The following CLEC12A variants were observed in gnomAD, a reference collection of about 807,000 sequenced individuals.
CLEC12A encodes C-type lectin protein CLL-1.
A neutral mutation model predicts 26.5 loss-of-function variants in CLEC12A; 22 were observed. The observed-to-expected ratio is 0.83, with a 90% CI of 0.59 to 1.19. The LOEUF (loss-of-function observed/expected upper bound fraction) is 1.19. Ranked by LOEUF, CLEC12A falls within the 50% of genes most tolerant of loss-of-function variation. The pLI is 0.00. For synonymous variants in CLEC12A, 119 were observed against 101.9 expected, an observed-to-expected ratio of 1.17 and a Z score of -1.01; for missense variants, 353 against 315.6, an observed-to-expected ratio of 1.12 and a Z score of -0.90.
In CLEC12A at chr12:9,982,199, A is replaced by G. The variant is rs534681928; in HGVS notation, c.641+70A>G. On this transcript the variant is annotated intron_variant, in intron 5 of 5. Coordinates refer to ENST00000304361, the MANE Select transcript of CLEC12A (RefSeq NM_138337.6). ...GAGGTATTTTCCTTAGGAGCACTGT[A>G]GATTCAAATTAAAACCAGCTTCAAT... is the stretch of plus-strand genomic sequence containing the variant. 13 of 769,748 alleles carry G rather than the reference A, an allele frequency of 1.7e-5. No individual in the cohort carries two copies. The South Asian group carries it at 1.8e-4, about 11-fold the overall frequency. The allele number at this position is 769,748 out of a possible 1,614,324, so 47.7% of individuals were successfully genotyped here. A position where few individuals can be genotyped will look rare whatever the true frequency, so the allele number is the denominator to read the frequency against.
chr12:9,952,157 C>T (rs1863624619), intron 1 of CLEC12A: 1 of 115,758 alleles, frequency 8.6e-6, no homozygotes, highest in African/African-American at 3.1e-5. Flanking sequence ...GTCTCCCTCT[C>T]CCTCTCCCTC....
At chr12:9,959,873 C>G (rs574105878) in intron 1 of CLEC12A, among the ~76,000 whole-genome samples, 1 of 152,178 alleles carries the variant, frequency 6.6e-6, no homozygotes, top group South Asian at 2.1e-4. Context: ...TTCCTGGACT[C>G]TCTGATGCTT....
rs1304168107 is a variant in CLEC12A at position 9,979,068 on chromosome 12, T to C, written c.190+4T>C. 5 of 1,606,480 alleles carry C rather than the reference T, an allele frequency of 3.1e-6. No homozygotes were observed. Among genetic ancestry groups the C allele is most frequent in the Non-Finnish European group, 4.3e-6 (5 of 1,173,214 alleles). ...TTGGGAGTCTTGGCAAGCATGTGTA[T>C]GTACTGCCCCTGTTTTTGTCAAGAG... On this transcript the variant is annotated splice_donor_region_variant and intron_variant, in intron 2 of 5. Transcript: ENST00000304361.
At chr12:9,962,715 G>GCAGGAACAGAC (rs201192973) in intron 1 of CLEC12A, among the ~76,000 whole-genome samples, 1,610 of 152,228 alleles carry the variant, frequency 0.011, 21 homozygotes, top group South Asian at 0.028. Context: ...ATCAGTTAAG[G>GCAGGAACAGAC]CAGGAACAGA....
At chr12:9,980,789 G>T in intron 4 of CLEC12A, 56 bp downstream of exon 4, 1 of 1,569,358 alleles carries the variant, frequency 6.4e-7, no homozygotes, top group Non-Finnish European at 8.7e-7. Context: ...GCATGTTGGA[G>T]AAGACTTCAA....
chr12:9,967,845 G>A (rs1289726968), upstream of CLEC12A, among the ~76,000 whole-genome samples: 2 of 152,210 alleles, frequency 1.3e-5, no homozygotes, highest in East Asian at 3.9e-4. Context: ...GAAGGACCAA[G>A]GCAGGTGTCC....
intron 4 of CLEC12A, among the ~76,000 whole-genome samples, chr12:9,981,713 C>A (rs1232902924): frequency 6.6e-6 from 1 of 152,092 alleles, no homozygotes; most frequent in Non-Finnish European, 1.5e-5. Context: ...GCCCTGGACA[C>A]AATATTTACT....
chr12:9,974,108 CTGA>C (rs1379962396), intron 1 of CLEC12A, among the ~76,000 whole-genome samples: 1 of 152,176 alleles, frequency 6.6e-6, no homozygotes, highest in African/African-American at 2.4e-5. Flanking sequence ...CTTTAGGTCA[CTGA>C]TGTCCTGCCT....
chr12:9,975,489 C>T (rs997461617), intron 1 of CLEC12A, among the ~76,000 whole-genome samples: 1 of 152,050 alleles, frequency 6.6e-6, no homozygotes, highest in African/African-American at 2.4e-5. Flanking sequence ...GAACATTGAA[C>T]TTGAGAGGGA....
At chr12:9,986,537 A>G (rs1034221705), downstream of CLEC12A, among the ~76,000 whole-genome samples, 29 of 151,606 alleles carry the variant, frequency 1.9e-4, no homozygotes, top group Non-Finnish European at 1.5e-5. Context: ...AGGGTTGGGT[A>G]TGGTGGCTTA....
At chr12:9,951,541 C>A in intron 1 of CLEC12A, 1 of 594,536 alleles carries the variant, frequency 1.7e-6, no homozygotes, top group Non-Finnish European at 3.0e-6. Context: ...AAGTGAGTGT[C>A]ATTTGTGGGT....
downstream of CLEC12A, among the ~76,000 whole-genome samples, chr12:9,999,905 G>T (rs1406774316): frequency 6.6e-6 from 1 of 152,084 alleles, no homozygotes; most frequent in African/African-American, 2.4e-5. Context: ...AGACTGAATG[G>T]TTCCTAGCAC....
chr12:10,004,366 G>GT, the CLEC12A span, among the ~76,000 whole-genome samples: 9 of 152,182 alleles, frequency 5.9e-5, no homozygotes, highest in Admixed American at 5.9e-4. Flanking sequence ...GAATGTGGGG[G>GT]TTTTACTGAG....
At chr12:9,990,260 T>TTA (rs538651877), downstream of CLEC12A, among the ~76,000 whole-genome samples, 20 of 152,316 alleles carry the variant, frequency 1.3e-4, no homozygotes, top group African/African-American at 4.6e-4. Context: ...CTGATTCTTC[T>TTA]TATATATCAG....
At chr12:9,986,513 C>A (rs1013054680), downstream of CLEC12A, among the ~76,000 whole-genome samples, 1 of 146,556 alleles carries the variant, frequency 6.8e-6, no homozygotes, top group African/African-American at 2.5e-5. Context: ...GGTAATTTTG[C>A]ATAAAAGGCA....
chr12:9,953,632 A>G (rs1447382502), intron 1 of CLEC12A, among the ~76,000 whole-genome samples: 1 of 147,306 alleles, frequency 6.8e-6, no homozygotes, highest in Non-Finnish European at 1.5e-5. Context: ...CCGGGAGGTG[A>G]GGGGCGCCTC....
At chr12:9,977,085 TAACC>T (rs1864368848) in intron 1 of CLEC12A, among the ~76,000 whole-genome samples, 1 of 152,200 alleles carries the variant, frequency 6.6e-6, no homozygotes, top group Admixed American at 6.5e-5. Context: ...ATACACATGC[TAACC>T]CTAAAGATGG....
chr12:9,957,835 C>T (rs868715639), intron 1 of CLEC12A, among the ~76,000 whole-genome samples: 2 of 152,186 alleles, frequency 1.3e-5, no homozygotes, highest in Non-Finnish European at 2.9e-5. Flanking sequence ...TGACACAATT[C>T]CCAGCTTGAC....
chr12:9,983,396 G>A (rs1864637943), intron 5 of CLEC12A: 3 of 583,622 alleles, frequency 5.1e-6, no homozygotes, highest in African/African-American at 3.8e-5. Context: ...TGAGGAATGT[G>A]GTTATAAATA....
Sources: gnomAD v4.1 joint callset for allele counts (sites outside exome capture counted in the v4.1 genomes callset) on GRCh38, gnomAD v4.1.1 for gene constraint, MANE v1.5 for transcripts, NCBI Gene and HGNC (gene_info 2026-07-23, HGNC 2026-07-21) for gene names.